BBX: variants seen among roughly 807,000 people sequenced by gnomAD.
The protein encoded by BBX is HMG box transcription factor BBX.
In BBX, 30 loss-of-function variants were observed where a neutral mutation model predicts 100.2. That is an observed-to-expected ratio of 0.30 (90% CI 0.22 to 0.41). The LOEUF is 0.41. Ranked by LOEUF, BBX falls within the 10% of genes least tolerant of loss-of-function variation. The probability of loss-of-function intolerance (pLI) is 1.00; values close to 1 mark genes in which losing one functional copy is unlikely to be tolerated. For missense variants in BBX, 1,023 were observed against 1,129.8 expected (o/e 0.91, Z 1.35); for synonymous variants, 376 against 388.1 (o/e 0.97, Z 0.37).
At chr3:107,592,486 T>C (rs893769751) in intron 2 of BBX, among the ~76,000 whole-genome samples, 2 of 151,760 alleles carry the variant, frequency 1.3e-5, no homozygotes, top group African/African-American at 4.8e-5. Flanking sequence ...TTGAACAGAA[T>C]GCTCAATCTT....
chr3:107,537,012 G>T (rs867543645), intron 2 of BBX, among the ~76,000 whole-genome samples: 2 of 152,144 alleles, frequency 1.3e-5, no homozygotes, highest in Admixed American at 1.3e-4. Context: ...GTGTTTGCCC[G>T]TTAAGTCTGT....
chr3:107,708,852 G>A (rs991455895), intron 3 of BBX, among the ~76,000 whole-genome samples: 1 of 151,898 alleles, frequency 6.6e-6, no homozygotes, highest in Non-Finnish European at 1.5e-5. Context: ...TAGAACAATC[G>A]ACATATATTT....
In BBX at chr3:107,773,433, G is replaced by A; in HGVS notation, c.1712G>A (p.Gly571Asp). 1 of 1,614,074 alleles carries A rather than the reference G, an allele frequency of 6.2e-7. No homozygotes were observed. The highest frequency in any genetic ancestry group is 8.5e-7 in the Non-Finnish European group (1 of 1,179,972). The change falls in exon 11 of 18, where the codon GGT (glycine) becomes GAT (aspartate). Residue 571 changes from glycine to aspartate, a missense_variant. By Grantham distance (94) the Gly-to-Asp change is moderately conservative (BLOSUM62 -1). This residue lies in a region of BBX where 348 missense variants were observed against 353.2 expected (regional missense o/e 0.99). Coordinates refer to ENST00000325805, the MANE Select transcript of BBX (RefSeq NM_001142568.3). This position sits in a 1 kb window ranked among gnomAD's most constrained non-coding sequence, Gnocchi z 4.1. ...SKNISGETPE[G>D]IKAEPLTPME... ...AACATTTCTGGTGAGACACCAGAGG[G>A]TATAAAAGCAGAACCATTGACCCCT...
chr3:107,625,927 A>T (rs1354066836), intron 2 of BBX, among the ~76,000 whole-genome samples: 1 of 152,150 alleles, frequency 6.6e-6, no homozygotes, highest in Non-Finnish European at 1.5e-5. Flanking sequence ...TTCATGGGGT[A>T]CATAGTGATG....
At chr3:107,581,246 TTA>T (rs1011482755) in intron 2 of BBX, among the ~76,000 whole-genome samples, 7 of 151,976 alleles carry the variant, frequency 4.6e-5, no homozygotes, top group Non-Finnish European at 1.0e-4. Flanking sequence ...TATTATACAC[TTA>T]TATATATATT....
Position 107,808,927 on chromosome 3 carries a change from T to C in BBX, c.*3470T>C, listed in dbSNP as rs2071183251. The C allele has an allele frequency of 6.6e-6, 1 of 152,252 alleles. No homozygotes were observed. Among genetic ancestry groups the C allele is most frequent in the African/African-American group, 2.4e-5 (1 of 41,468 alleles). 9.4% of individuals were successfully genotyped at this position (152,252 alleles called of 1,614,324 possible). ...TCCCACGTTATCATTGTGATTCTAC[T>C]TCCTGCCACTAAAATTGCTGGAGAA... On this transcript the variant is annotated 3_prime_UTR_variant, in exon 18 of 18. Transcript: ENST00000325805.
chr3:107,706,497 G>T (rs2061407125), intron 3 of BBX, among the ~76,000 whole-genome samples: 1 of 151,954 alleles, frequency 6.6e-6, no homozygotes, highest in Non-Finnish European at 1.5e-5. Flanking sequence ...ATTTTGGTAG[G>T]GGGCTTTATA....
chr3:107,704,069 T>C (rs890559145), intron 3 of BBX, among the ~76,000 whole-genome samples: 1 of 152,222 alleles, frequency 6.6e-6, no homozygotes, highest in African/African-American at 2.4e-5. Flanking sequence ...CCAGTTCTGG[T>C]TCCTCTACTT....
rs145898580 is a variant in BBX at position 107,608,638 on chromosome 3, C to T, written c.-83-37198C>T. Reference sequence around the variant, plus strand: ...ATTTTGAGAGGGATTATATTCAATCCGTAGATTGCTTGGGTAGTATGGACA... The same window carrying T: ...ATTTTGAGAGGGATTATATTCAATCTGTAGATTGCTTGGGTAGTATGGACA... On this transcript the variant is annotated intron_variant, in intron 2 of 17. Transcript: ENST00000325805. Among the ~76,000 whole-genome samples, 1,305 of 152,030 alleles carry T rather than the reference C, an allele frequency of 8.6e-3. 25 individuals are homozygous for T. Among genetic ancestry groups the T allele is most frequent in the African/African-American group, 0.03 (1,240 of 41,482 alleles).
At chr3:107,755,374 T>C (rs1416205947) in intron 9 of BBX, among the ~76,000 whole-genome samples, 7 of 152,332 alleles carry the variant, frequency 4.6e-5, no homozygotes, top group Admixed American at 1.3e-4. Flanking sequence ...CAAGATAATA[T>C]TCTTACTGTT....
At chr3:107,606,582 T>G (rs563776959) in intron 2 of BBX, among the ~76,000 whole-genome samples, 1 of 152,330 alleles carries the variant, frequency 6.6e-6, no homozygotes, top group East Asian at 1.9e-4. Context: ...TTTTGTAGAA[T>G]ATTTTATATT....
rs552378644 is a variant in BBX at position 107,640,367 on chromosome 3, G to A, written c.-83-5469G>A. On this transcript the variant is annotated intron_variant, in intron 2 of 17. Transcript: ENST00000325805. ...CTGCATATGCCTCCTATCCCTTCCA[G>A]CAAGTCATGCTTGCTTTAGTATTGA... Among the ~76,000 whole-genome samples, 302 of 152,242 alleles carry A rather than the reference G, an allele frequency of 2.0e-3. 1 individual carries two copies. The highest frequency in any genetic ancestry group is 7.0e-3 in the African/African-American group (292 of 41,562).
intron 3 of BBX, among the ~76,000 whole-genome samples, chr3:107,682,898 C>T (rs2108006242): frequency 6.6e-6 from 1 of 152,250 alleles, no homozygotes; most frequent in South Asian, 2.1e-4. Flanking sequence ...TGATCTGATA[C>T]CTCAGAAGCC....
Position 107,710,630 on chromosome 3 carries a change from C to G in BBX, c.162+8C>G. On this transcript the variant is annotated splice_region_variant and intron_variant, in intron 4 of 17. Transcript: ENST00000325805. ...GAGGAGGATATTGATAAGGTAAGTCCTATATTTACCATAGAAGTTTCAAGT... is the reference window on the plus strand; with the variant it reads ...GAGGAGGATATTGATAAGGTAAGTCGTATATTTACCATAGAAGTTTCAAGT... 1 of 1,589,172 alleles carries G rather than the reference C, an allele frequency of 6.3e-7. No individual in the cohort carries two copies. The highest frequency in any genetic ancestry group is 8.6e-7 in the Non-Finnish European group (1 of 1,167,704).
chr3:107,605,018 C>T (rs536667677), intron 2 of BBX, among the ~76,000 whole-genome samples: 3 of 152,252 alleles, frequency 2.0e-5, no homozygotes, highest in African/African-American at 7.2e-5. Flanking sequence ...TACTTGACTG[C>T]GTAGCTTATT....
At position 107,744,613 on chromosome 3, in the gene BBX, A is replaced by G. The variant is rs772208165; in HGVS notation, c.670-17A>G. Reference sequence around the variant, plus strand: ...TAAATAGTACAAAAGAAAATATGATATCTTTCTTTGTTTCAGGTATCCTCT... The same window carrying G: ...TAAATAGTACAAAAGAAAATATGATGTCTTTCTTTGTTTCAGGTATCCTCT... On this transcript the variant is annotated splice_polypyrimidine_tract_variant and intron_variant, in intron 7 of 17. Transcript: ENST00000325805. 1.3e-5 allele frequency: 20 copies of G among 1,595,580 alleles called. No homozygotes were observed. The highest frequency in any genetic ancestry group is 1.5e-5 in the Non-Finnish European group (18 of 1,163,710).
At chr3:107,645,665 G>A (rs551692562) in intron 2 of BBX, among the ~76,000 whole-genome samples, 171 bp from the exon 3 acceptor site, 2 of 152,236 alleles carry the variant, frequency 1.3e-5, no homozygotes, top group South Asian at 4.1e-4. Context: ...ACACTTTAGG[G>A]CCACTTTCTC....
chr3:107,793,426 A>G (rs1303577030), intron 15 of BBX, among the ~76,000 whole-genome samples: 1 of 152,198 alleles, frequency 6.6e-6, no homozygotes, highest in South Asian at 2.1e-4. Flanking sequence ...TGGCCAGGAA[A>G]AACAGGAATC....
chr3:107,765,481 G>A (rs1333086761), intron 10 of BBX, among the ~76,000 whole-genome samples: 1 of 151,928 alleles, frequency 6.6e-6, no homozygotes, highest in Non-Finnish European at 1.5e-5. Context: ...GTGTATGTGT[G>A]TTTTCTTTTT....
Sources: gnomAD v4.1 joint callset for allele counts (sites outside exome capture counted in the v4.1 genomes callset) on GRCh38, gnomAD v4.1.1 for gene constraint, gnomAD v4.1.1 regional missense constraint, Gnocchi (gnomAD v3.1) non-coding constraint, MANE v1.5 for transcripts, NCBI Gene and HGNC (gene_info 2026-07-23, HGNC 2026-07-21) for gene names.